The following PDPN variants were observed in gnomAD, a reference collection of about 807,000 sequenced individuals.
PDPN encodes podoplanin, also known as PA2.26 antigen.
Under a neutral mutation model 23.2 loss-of-function variants are expected in PDPN, and 12 were observed. That is an observed-to-expected ratio of 0.52 (90% CI 0.33 to 0.84). The LOEUF is 0.84. Among genes scored for constraint, PDPN ranks in the 40% least tolerant of loss-of-function variants. The pLI, the probability that PDPN is intolerant of heterozygous loss-of-function variation, is 0.02. For synonymous variants in PDPN, 77 were observed against 76.7 expected, an observed-to-expected ratio of 1.00 and a Z score of -0.02; for missense variants, 199 against 212.2, an observed-to-expected ratio of 0.94 and a Z score of 0.39.
chr1:13,585,328 A>G (rs1192871344), intron 1 of PDPN: 17 of 372,832 alleles, frequency 4.6e-5, no homozygotes, highest in South Asian at 3.9e-4. Context: ...GTTCTGCTCT[A>G]TGCTGTGCTG....
intron 3 of PDPN, among the ~76,000 whole-genome samples, chr1:13,611,668 A>G (rs1041412808): frequency 2.6e-5 from 4 of 152,178 alleles, no homozygotes; most frequent in Admixed American, 1.3e-4. Flanking sequence ...TGATTGAACA[A>G]TAGTGTGAAT....
intron 1 of PDPN, among the ~76,000 whole-genome samples, chr1:13,596,488 G>A (rs967763590): frequency 1.4e-4 from 21 of 152,306 alleles, no homozygotes; most frequent in Middle Eastern, 3.4e-3. Context: ...AAGGGGTGAA[G>A]GGGGAAAAAA....
intron 2 of PDPN, among the ~76,000 whole-genome samples, chr1:13,607,966 G>A (rs542567351): frequency 2.0e-5 from 3 of 152,074 alleles, no homozygotes; most frequent in African/African-American, 4.8e-5. Context: ...TTAGCTGGGC[G>A]TGGCTGTGTG....
intron 5 of PDPN, chr1:13,614,873 A>G (rs375689569): frequency 2.0e-6 from 1 of 504,444 alleles, no homozygotes; most frequent in Admixed American, 2.1e-5. Flanking sequence ...AGACCTTATA[A>G]ATTTCCAAAA....
intron 1 of PDPN, among the ~76,000 whole-genome samples, chr1:13,602,606 A>C (rs1188811295): frequency 1.3e-5 from 2 of 152,152 alleles, no homozygotes; most frequent in African/African-American, 4.8e-5. Context: ...TTTGTCTCCC[A>C]GGCTGGAGTG....
chr1:13,612,613 G>C (rs1052685792), intron 3 of PDPN, among the ~76,000 whole-genome samples: 9 of 152,272 alleles, frequency 5.9e-5, no homozygotes, highest in Admixed American at 6.5e-5. Flanking sequence ...GTCAGCATGA[G>C]CTCTTACGTG....
At chr1:13,612,432 A>G (rs1640958323) in intron 3 of PDPN, among the ~76,000 whole-genome samples, 1 of 152,172 alleles carries the variant, frequency 6.6e-6, no homozygotes, top group South Asian at 2.1e-4. Flanking sequence ...TGATAATGGT[A>G]TATTAAGAGC....
intron 1 of PDPN, among the ~76,000 whole-genome samples, chr1:13,602,189 G>A (rs1040445947): frequency 3.3e-5 from 5 of 152,168 alleles, no homozygotes; most frequent in Admixed American, 1.3e-4. Context: ...TTAGCCGGGT[G>A]TGGTGGTGGG....
chr1:13,592,793 G>A (rs1297143365), intron 1 of PDPN, among the ~76,000 whole-genome samples: 1 of 151,906 alleles, frequency 6.6e-6, no homozygotes, highest in East Asian at 1.9e-4. Flanking sequence ...CAGGTGATTC[G>A]TCCGCCTCTG....
At position 13,584,454 on chromosome 1, in the gene PDPN, T is replaced by G. The variant is rs182736590; in HGVS notation, c.67+354T>G. The G allele has an allele frequency of 5.3e-4, 371 of 702,510 alleles. 3 individuals are homozygous for G. Among genetic ancestry groups the G allele is most frequent in the African/African-American group, 3.6e-3 (204 of 55,982 alleles). 43.5% of individuals were successfully genotyped at this position (702,510 alleles called of 1,614,324 possible). A position where few individuals can be genotyped will look rare whatever the true frequency, so the allele number is the denominator to read the frequency against. ...AGCAGTGGCTGGGGTTTCCTTCCCA[T>G]AGAGCGGTGTGTTGGAGGAATACGC... On this transcript the variant is annotated intron_variant, in intron 1 of 5. Transcript: ENST00000621990.
intron 1 of PDPN, among the ~76,000 whole-genome samples, chr1:13,591,549 CT>C (rs1276966804): frequency 6.6e-6 from 1 of 152,138 alleles, no homozygotes; most frequent in Non-Finnish European, 1.5e-5. Flanking sequence ...CATCGATCTA[CT>C]TTCTGTCTCT....
chr1:13,591,666 T>C (rs991280880), intron 1 of PDPN, among the ~76,000 whole-genome samples: 2 of 152,240 alleles, frequency 1.3e-5, no homozygotes, highest in African/African-American at 4.8e-5. Context: ...GGTTCATCCA[T>C]GTTATAGCAT....
intron 1 of PDPN, among the ~76,000 whole-genome samples, chr1:13,595,542 C>T (rs1018957208): frequency 5.3e-5 from 8 of 152,186 alleles, no homozygotes; most frequent in Non-Finnish European, 7.4e-5. Flanking sequence ...CACATCTTCA[C>T]GTGCTGGATT....
rs182377579 is a variant in PDPN, at chr1:13,600,820, G to A, written c.68-6353G>A. Reference sequence around the variant, plus strand: ...TGGGTGAAAGGAAAAGTGGGGATTTGTAGCCCACAAGCAGAATGAGGGGAT... The same window carrying A: ...TGGGTGAAAGGAAAAGTGGGGATTTATAGCCCACAAGCAGAATGAGGGGAT... On this transcript the variant is annotated intron_variant, in intron 1 of 5. Coordinates refer to ENST00000621990, the MANE Select transcript of PDPN (RefSeq NM_006474.5). 1.2e-4 allele frequency among the ~76,000 whole-genome samples: 19 copies of A among 152,176 alleles called. 1 individual carries two copies. In the East Asian group the frequency reaches 3.7e-3, roughly 29 times the overall value.
At chr1:13,614,773 C>T (rs1382445931) in intron 5 of PDPN, 2 of 495,110 alleles carry the variant, frequency 4.0e-6, no homozygotes, top group Admixed American at 2.1e-5. Context: ...GGTGACAGAG[C>T]AAGACTGTGT....
intron 1 of PDPN, among the ~76,000 whole-genome samples, chr1:13,605,285 GACAA>G (rs1378837729): frequency 7.3e-5 from 11 of 150,728 alleles, no homozygotes; most frequent in African/African-American, 2.0e-4. Flanking sequence ...GCTGCCTAGA[GACAA>G]ACAAACATCT....
At chr1:13,587,860 C>T (rs768143341) in intron 1 of PDPN, among the ~76,000 whole-genome samples, 1 of 152,182 alleles carries the variant, frequency 6.6e-6, no homozygotes, top group South Asian at 2.1e-4. Context: ...CTAACCCCAG[C>T]CCCTGTCCAC....
intron 1 of PDPN, among the ~76,000 whole-genome samples, chr1:13,597,918 T>A (rs1640538249): frequency 6.6e-6 from 1 of 152,058 alleles, no homozygotes; most frequent in African/African-American, 2.4e-5. Flanking sequence ...GAGGCTGCAG[T>A]GAGCCAAGAT....
chr1:13,595,811 G>T, intron 1 of PDPN: 3 of 1,217,982 alleles, frequency 2.5e-6, no homozygotes. Context: ...CAGCTATGCC[G>T]TCTCTTTCAT....
Sources: gnomAD v4.1 joint callset for allele counts (sites outside exome capture counted in the v4.1 genomes callset) on GRCh38, gnomAD v4.1.1 for gene constraint, MANE v1.5 for transcripts, NCBI Gene and HGNC (gene_info 2026-07-23, HGNC 2026-07-21) for gene names.